Variants in CGRRF1 observed in about 807,000 individuals in gnomAD.
CGRRF1 encodes cell growth regulator with ring finger domain 1.
In CGRRF1, 32 loss-of-function variants were observed where a neutral mutation model predicts 37.2. The observed-to-expected ratio is 0.86, with a 90% confidence interval of 0.65 to 1.16. The LOEUF is 1.16. CGRRF1 is among the 50% of genes most tolerant of loss of function. CGRRF1 has a pLI of 0.00. For missense variants in CGRRF1, 391 were observed against 382.6 expected (o/e 1.02, Z -0.18); for synonymous variants, 141 against 140.3 (o/e 1.00, Z -0.04).
At position 54,538,917 on chromosome 14, in the gene CGRRF1, C is replaced by T. The variant is rs1327987095; in HGVS notation, c.*534C>T. The T allele has an allele frequency of 5.9e-5, 9 of 152,538 alleles. No individual in the cohort carries two copies. The highest frequency in any genetic ancestry group is 2.2e-4 in the African/African-American group (9 of 41,418). The allele number at this position is 152,538 out of a possible 1,614,324, so 9.4% of individuals were successfully genotyped here. A position where few individuals can be genotyped will look rare whatever the true frequency, so the allele number is the denominator to read the frequency against. On this transcript the variant is annotated 3_prime_UTR_variant, in exon 6 of 6. Transcript: ENST00000216420. Reference sequence around the variant, plus strand: ...GTCCCTTATTATAGTTACGTAAATACAGGTCATAGTTTTAAATATAGGTTC... The same window carrying T: ...GTCCCTTATTATAGTTACGTAAATATAGGTCATAGTTTTAAATATAGGTTC...
rs2032642709 is a variant in CGRRF1 at position 54,538,668 on chromosome 14, A to G, written c.*285A>G. ...AGATTTCCTCTCATGTTAATTAGAA[A>G]AATCATTCTGAAAGGCAATCCATTG... On this transcript the variant is annotated 3_prime_UTR_variant, in exon 6 of 6. Transcript: ENST00000216420. 4.3e-6 allele frequency: 1 copy of G among 232,226 alleles called. No individual in the cohort carries two copies. Among genetic ancestry groups the G allele is most frequent in the South Asian group, 1.2e-4 (1 of 8,044 alleles). 14.4% of individuals were successfully genotyped at this position (232,226 alleles called of 1,614,324 possible).
rs780337351 is a variant in CGRRF1, at chr14:54,510,108, A to G, written c.104+45A>G. On this transcript the variant is annotated intron_variant, in intron 1 of 5. Transcript: ENST00000216420. ...GAGACGAAGGGGCGGATACCGCCAG[A>G]GTGGGGTCGCGACGAGCAGCAGGGG... 4 of 1,450,276 alleles carry G rather than the reference A, an allele frequency of 2.8e-6. No individual in the cohort carries two copies. The South Asian group carries it at 3.5e-5, about 13-fold the overall frequency. 89.8% of individuals were successfully genotyped at this position (1,450,276 alleles called of 1,614,324 possible). A position where few individuals can be genotyped will look rare whatever the true frequency, so the allele number is the denominator to read the frequency against.
chr14:54,509,946 AG>A lies in CGRRF1; in HGVS notation c.-13del, dbSNP rs746553994. ...CCGCGGCTGGAGCCGGGCTCTACCC[AG>A]AGCAAGACCCTGATGGCTGCGGTGT... On this transcript the variant is annotated 5_prime_UTR_variant, in exon 1 of 6. Coordinates refer to ENST00000216420, the MANE Select transcript of CGRRF1 (RefSeq NM_006568.3). The A allele has an allele frequency of 4.4e-6, 7 of 1,599,182 alleles. No homozygotes were observed. The South Asian group carries it at 7.7e-5, about 18-fold the overall frequency.
intron 1 of CGRRF1, among the ~76,000 whole-genome samples, chr14:54,517,821 T>C (rs1378340320): frequency 6.6e-6 from 1 of 152,180 alleles, no homozygotes; most frequent in African/African-American, 2.4e-5. Context: ...TTCCCCTCCA[T>C]GTGTCCATGT....
At chr14:54,530,588 T>C in intron 3 of CGRRF1, 3 of 978,930 alleles carry the variant, frequency 3.1e-6, no homozygotes, top group Non-Finnish European at 4.4e-6. Context: ...AGTATTTGTA[T>C]CCTTTCATCT....
chr14:54,524,338 T>C (rs2032373355), intron 2 of CGRRF1, among the ~76,000 whole-genome samples: 1 of 151,882 alleles, frequency 6.6e-6, no homozygotes, highest in South Asian at 2.1e-4. Context: ...CTTAGTCAAA[T>C]AGATCATCAG....
Position 54,531,505 on chromosome 14 carries a change from G to T in CGRRF1, c.570+455G>T, listed in dbSNP as rs185865785. Among the ~76,000 whole-genome samples, 3 of 152,182 alleles carry T rather than the reference G, an allele frequency of 2.0e-5. No individual in the cohort carries two copies. The East Asian group carries it at 5.8e-4, about 29-fold the overall frequency. On this transcript the variant is annotated intron_variant, in intron 4 of 5. Coordinates refer to ENST00000216420, the MANE Select transcript of CGRRF1 (RefSeq NM_006568.3). ...ATTTGCTGTATAGAAACAGTCTGTT[G>T]GGAAGCATGTTTATTCTGAACATGT...
At chr14:54,513,383 GGAGAAGT>G (rs1264935405) in intron 1 of CGRRF1, among the ~76,000 whole-genome samples, 1 of 152,188 alleles carries the variant, frequency 6.6e-6, no homozygotes, top group East Asian at 1.9e-4. Context: ...AGGGACTGAG[GGAGAAGT>G]GAGAAGTGAG....
At chr14:54,535,359 T>TCACACACACACACA (rs143950400) in intron 4 of CGRRF1, among the ~76,000 whole-genome samples, 3,691 of 140,514 alleles carry the variant, frequency 0.026, 48 homozygotes, top group East Asian at 0.034. Context: ...AAGGGTATAG[T>TCACACACACACACA]CACACACACA....
At chr14:54,531,118 T>C in intron 4 of CGRRF1, 68 bp downstream of exon 4, 1 of 1,246,968 alleles carries the variant, frequency 8.0e-7, no homozygotes, top group East Asian at 2.4e-5. Context: ...CATTATTTGA[T>C]AAATAGAAAA....
chr14:54,536,910 A>C (rs943921070), intron 4 of CGRRF1: 2 of 152,114 alleles, frequency 1.3e-5, no homozygotes, highest in Non-Finnish European at 1.5e-5. Flanking sequence ...CCTTACACTG[A>C]GACTAAAATG....
chr14:54,510,129 A>C lies in CGRRF1; in HGVS notation c.104+66A>C. On this transcript the variant is annotated intron_variant, in intron 1 of 5. Coordinates refer to ENST00000216420, the MANE Select transcript of CGRRF1 (RefSeq NM_006568.3). ...CCAGAGTGGGGTCGCGACGAGCAGCAGGGGGCACCGGAGCCGGAGGGCCGC... is the reference window on the plus strand; with the variant it reads ...CCAGAGTGGGGTCGCGACGAGCAGCCGGGGGCACCGGAGCCGGAGGGCCGC... 3 of 1,240,510 alleles carry C rather than the reference A, an allele frequency of 2.4e-6. No individual in the cohort carries two copies. In the Admixed American group the frequency reaches 5.4e-5, roughly 22 times the overall value. The allele number at this position is 1,240,510 out of a possible 1,614,324, so 76.8% of individuals were successfully genotyped here. A position where few individuals can be genotyped will look rare whatever the true frequency, so the allele number is the denominator to read the frequency against.
At chr14:54,532,968 C>A (rs1468179891) in intron 4 of CGRRF1, among the ~76,000 whole-genome samples, 1 of 152,062 alleles carries the variant, frequency 6.6e-6, no homozygotes, top group Non-Finnish European at 1.5e-5. Flanking sequence ...TGCTGAGTTT[C>A]TTGGGTTCTG....
At chr14:54,518,147 G>C (rs2032247956) in intron 1 of CGRRF1, among the ~76,000 whole-genome samples, 1 of 152,124 alleles carries the variant, frequency 6.6e-6, no homozygotes, top group Admixed American at 6.5e-5. Flanking sequence ...CTCAGTAATA[G>C]GATTGCTGGG....
chr14:54,510,505 C>G (rs989095728), intron 1 of CGRRF1, among the ~76,000 whole-genome samples: 1 of 152,180 alleles, frequency 6.6e-6, no homozygotes, highest in Non-Finnish European at 1.5e-5. Context: ...GTGATTCTGA[C>G]CTGAATGGAG....
At chr14:54,513,273 G>A (rs1017762843) in intron 1 of CGRRF1, among the ~76,000 whole-genome samples, 2 of 152,204 alleles carry the variant, frequency 1.3e-5, no homozygotes, top group African/African-American at 4.8e-5. Context: ...CAATCAAATT[G>A]ATACATTTGG....
chr14:54,535,563 C>A (rs1298112059), intron 4 of CGRRF1, among the ~76,000 whole-genome samples: 2 of 152,106 alleles, frequency 1.3e-5, no homozygotes, highest in Non-Finnish European at 2.9e-5. Context: ...TAATTTTGAT[C>A]TCTTAGTCAA....
At chr14:54,520,418 C>G (rs1047907662) in intron 1 of CGRRF1, among the ~76,000 whole-genome samples, 1 of 152,160 alleles carries the variant, frequency 6.6e-6, no homozygotes, top group Non-Finnish European at 1.5e-5. Context: ...CAGGTGTGAG[C>G]CACCGCACCC....
At chr14:54,537,490 C>A in intron 4 of CGRRF1, 1 of 289,956 alleles carries the variant, frequency 3.4e-6, no homozygotes, top group Non-Finnish European at 6.1e-6. Flanking sequence ...AATTTGAGTA[C>A]AATTAAAATA....
Sources: gnomAD v4.1 joint callset for allele counts (sites outside exome capture counted in the v4.1 genomes callset) on GRCh38, gnomAD v4.1.1 for gene constraint, MANE v1.5 for transcripts, NCBI Gene and HGNC (gene_info 2026-07-23, HGNC 2026-07-21) for gene names.